DGKI: variants seen among roughly 807,000 people sequenced by gnomAD.
DGKI encodes the protein DAG kinase iota.
A neutral mutation model predicts 147.5 loss-of-function variants in DGKI; 55 were observed. The ratio of observed to expected loss-of-function variants is 0.37; its 90% CI spans 0.30 to 0.47. The LOEUF (loss-of-function observed/expected upper bound fraction) is 0.47, where lower values mean the gene tolerates loss of function less well. Among genes scored for constraint, DGKI ranks in the 20% least tolerant of loss-of-function variants. The pLI is 1.00. For synonymous variants in DGKI, 469 were observed against 477.1 expected (o/e 0.98, Z 0.22); for missense variants, 1,007 against 1,323.8 (o/e 0.76, Z 3.71).
intron 3 of DGKI, among the ~76,000 whole-genome samples, chr7:137,662,392 C>T (rs1271785364): frequency 2.0e-5 from 3 of 151,902 alleles, no homozygotes; most frequent in African/African-American, 7.3e-5. Flanking sequence ...TACAGGTGCC[C>T]GCCACCACGC....
chr7:137,829,468 C>T (rs1456857175), intron 1 of DGKI, among the ~76,000 whole-genome samples: 1 of 152,212 alleles, frequency 6.6e-6, no homozygotes, highest in Non-Finnish European at 1.5e-5. Context: ...TGACCCTAAT[C>T]CCACAACGCT....
At chr7:137,712,959 T>C (rs771661825) in intron 1 of DGKI, among the ~76,000 whole-genome samples, 1 of 152,168 alleles carries the variant, frequency 6.6e-6, no homozygotes, top group Non-Finnish European at 1.5e-5. Context: ...GTCAGCCAGC[T>C]TCAGCTTGGA....
intron 21 of DGKI, among the ~76,000 whole-genome samples, chr7:137,512,912 G>C (rs926883895): frequency 1.1e-4 from 17 of 152,190 alleles, no homozygotes; most frequent in African/African-American, 3.9e-4. Flanking sequence ...TTTGAAATTA[G>C]AAAGACATAG....
intron 19 of DGKI, among the ~76,000 whole-genome samples, chr7:137,562,443 G>C (rs1818449516): frequency 6.6e-6 from 1 of 152,158 alleles, no homozygotes; most frequent in African/African-American, 2.4e-5. Context: ...GGCTGAGGCA[G>C]GAGAATCACC....
At chr7:137,439,995 C>A (rs553688276) in intron 28 of DGKI, among the ~76,000 whole-genome samples, 47 of 152,186 alleles carry the variant, frequency 3.1e-4, no homozygotes, top group Non-Finnish European at 6.5e-4. Flanking sequence ...GCACAGGTAG[C>A]AGCAGTAAGT....
chr7:137,835,563 ACTCTAT>A (rs1798351926), intron 1 of DGKI, among the ~76,000 whole-genome samples: 1 of 152,056 alleles, frequency 6.6e-6, no homozygotes. Context: ...AAAGAGCCTG[ACTCTAT>A]CTCTACCTGT....
intron 1 of DGKI, among the ~76,000 whole-genome samples, chr7:137,796,865 G>A (rs1000802497): frequency 1.3e-5 from 2 of 152,078 alleles, no homozygotes; most frequent in African/African-American, 4.8e-5. Context: ...TCCAGAAGGA[G>A]AGAAAAGAAA....
At chr7:137,782,802 G>A (rs1222627932) in intron 1 of DGKI, among the ~76,000 whole-genome samples, 1 of 152,140 alleles carries the variant, frequency 6.6e-6, no homozygotes, top group Admixed American at 6.5e-5. Context: ...CCTGAAGATG[G>A]ATCACATCAC....
At chr7:137,708,096 C>G (rs1794097599) in intron 1 of DGKI, among the ~76,000 whole-genome samples, 1 of 152,204 alleles carries the variant, frequency 6.6e-6, no homozygotes, top group Non-Finnish European at 1.5e-5. Context: ...TGGCCTATTC[C>G]TGCCTGGCAG....
chr7:137,691,074 A>C (rs758846580), intron 1 of DGKI, among the ~76,000 whole-genome samples: 1 of 152,178 alleles, frequency 6.6e-6, no homozygotes, highest in Non-Finnish European at 1.5e-5. Context: ...AAATAGAATC[A>C]GGAGGGTCTT....
intron 19 of DGKI, among the ~76,000 whole-genome samples, chr7:137,558,230 A>G (rs1029860226): frequency 6.6e-6 from 1 of 151,852 alleles, no homozygotes; most frequent in African/African-American, 2.4e-5. Flanking sequence ...GATTTTTTTC[A>G]TTTTATCAAG....
intron 28 of DGKI, among the ~76,000 whole-genome samples, chr7:137,425,502 C>G (rs1258912379): frequency 6.6e-6 from 1 of 152,192 alleles, no homozygotes; most frequent in African/African-American, 2.4e-5. Context: ...CTCTCCTCCT[C>G]CAAAGGAATG....
chr7:137,768,623 G>A (rs947097409), intron 1 of DGKI, among the ~76,000 whole-genome samples: 1 of 152,166 alleles, frequency 6.6e-6, no homozygotes, highest in African/African-American at 2.4e-5. Context: ...CTGCATGCAC[G>A]TACAGGCCCC....
At position 137,691,757 on chromosome 7, in the gene DGKI, C is replaced by A. The variant is rs969287923; in HGVS notation, c.402-1755G>T. Among the ~76,000 whole-genome samples the A allele has an allele frequency of 1.7e-4, 25 of 147,586 alleles. No individual in the cohort carries two copies. In the East Asian group the frequency reaches 5.0e-3, roughly 29 times the overall value. ...GGATTGTGCAACCATTAATCAATTA[C>A]CAAGTATGTCAGAGAGCTCAGCAAG... On this transcript the variant is annotated intron_variant, in intron 1 of 32. Coordinates refer to ENST00000614521, the MANE Select transcript of DGKI (RefSeq NM_001321708.2).
intron 28 of DGKI, among the ~76,000 whole-genome samples, chr7:137,419,067 T>C (rs1232007543): frequency 1.3e-5 from 2 of 152,230 alleles, no homozygotes; most frequent in Non-Finnish European, 2.9e-5. Flanking sequence ...GACAAAGGAC[T>C]CTTGTTTCAT....
intron 17 of DGKI, among the ~76,000 whole-genome samples, chr7:137,573,395 T>G (rs1236000027): frequency 6.6e-6 from 1 of 152,216 alleles, no homozygotes; most frequent in Admixed American, 6.5e-5. Flanking sequence ...TACAGTAGTA[T>G]TATCTTCATT....
chr7:137,650,543 T>G (rs117016767), intron 5 of DGKI, among the ~76,000 whole-genome samples: 3,941 of 152,244 alleles, frequency 0.026, 65 homozygotes, highest in Non-Finnish European at 0.036. Flanking sequence ...GGTAAGGTGT[T>G]TGAAAGGTGA....
chr7:137,805,105 C>T (rs1316713572), intron 1 of DGKI, among the ~76,000 whole-genome samples: 1 of 152,200 alleles, frequency 6.6e-6, no homozygotes, highest in Non-Finnish European at 1.5e-5. Context: ...GTATTGAGTG[C>T]TATTTTGCCA....
chr7:137,668,245 C>A (rs1424367), intron 3 of DGKI, among the ~76,000 whole-genome samples: 6,482 of 152,264 alleles, frequency 0.043, 394 homozygotes, highest in African/African-American at 0.14. Context: ...CCACACATGA[C>A]CCCCTGTGCC....
Sources: gnomAD v4.1 joint callset for allele counts (sites outside exome capture counted in the v4.1 genomes callset) on GRCh38, gnomAD v4.1.1 for gene constraint, MANE v1.5 for transcripts, NCBI Gene and HGNC (gene_info 2026-07-23, HGNC 2026-07-21) for gene names.